The following STXBP5L variants were observed in gnomAD, a reference collection of about 807,000 sequenced individuals.
STXBP5L encodes the protein syntaxin-binding protein 5-like.
Under a neutral mutation model 144.5 loss-of-function variants are expected in STXBP5L, and 65 were observed. The ratio of observed to expected loss-of-function variants is 0.45; its 90% CI spans 0.37 to 0.55. The LOEUF is 0.55. STXBP5L is among the 20% of genes least tolerant of loss of function. STXBP5L has a pLI of 0.00. For missense variants in STXBP5L, 1,298 were observed against 1,405.5 expected, an observed-to-expected ratio of 0.92 and a Z score of 1.22; for synonymous variants, 505 against 469.6, an observed-to-expected ratio of 1.08 and a Z score of -0.97.
chr3:121,094,163 A>G (rs544379152), intron 5 of STXBP5L, among the ~76,000 whole-genome samples: 1 of 152,066 alleles, frequency 6.6e-6, no homozygotes, highest in Non-Finnish European at 1.5e-5. Flanking sequence ...CTGTTCTTTT[A>G]CATTTGCTGA....
intron 3 of STXBP5L, among the ~76,000 whole-genome samples, chr3:121,031,401 C>CTTCA (rs1553778331): frequency 6.6e-6 from 1 of 150,954 alleles, no homozygotes; most frequent in Non-Finnish European, 1.5e-5. Flanking sequence ...TCTGTCTATT[C>CTTCA]ATCAATCAAT....
intron 19 of STXBP5L, among the ~76,000 whole-genome samples, chr3:121,293,733 T>C (rs928243221): frequency 6.6e-6 from 1 of 152,158 alleles, no homozygotes; most frequent in Non-Finnish European, 1.5e-5. Flanking sequence ...TATTGGTGGG[T>C]GCCTGTAATC....
At chr3:121,134,010 A>G (rs1191786733) in intron 7 of STXBP5L, among the ~76,000 whole-genome samples, 1 of 152,178 alleles carries the variant, frequency 6.6e-6, no homozygotes, top group Non-Finnish European at 1.5e-5. Context: ...TTGGGTGGGG[A>G]CACAGAGCCA....
At chr3:120,984,323 TCTC>T (rs1440624299) in intron 3 of STXBP5L, among the ~76,000 whole-genome samples, 4 of 152,170 alleles carry the variant, frequency 2.6e-5, no homozygotes, top group Admixed American at 6.5e-5. Flanking sequence ...TTTCTCCACT[TCTC>T]CTCCAAACCC....
At chr3:120,962,097 A>G (rs4682370) in intron 3 of STXBP5L, among the ~76,000 whole-genome samples, 1 of 151,834 alleles carries the variant, frequency 6.6e-6, no homozygotes, top group African/African-American at 2.4e-5. Context: ...TGTTCATATC[A>G]TTTGCCCACT....
intron 20 of STXBP5L, among the ~76,000 whole-genome samples, chr3:121,337,162 G>C (rs968000312): frequency 3.9e-5 from 6 of 152,038 alleles, no homozygotes; most frequent in Non-Finnish European, 7.4e-5. Context: ...CTTAGTACCT[G>C]GGTGATGAAG....
intron 20 of STXBP5L, among the ~76,000 whole-genome samples, chr3:121,346,320 A>G (rs368635215): frequency 1.3e-5 from 2 of 152,030 alleles, no homozygotes; most frequent in Non-Finnish European, 2.9e-5. Context: ...CATGGTGTAT[A>G]TGTGCCACAT....
chr3:121,174,441 A>C (rs748870163), intron 9 of STXBP5L, among the ~76,000 whole-genome samples: 7 of 152,058 alleles, frequency 4.6e-5, no homozygotes, highest in Admixed American at 6.6e-5. Context: ...CTTCCAATAT[A>C]CTTATAGAAA....
At position 121,363,986 on chromosome 3, in the gene STXBP5L, G is replaced by A. The variant is rs368641499; in HGVS notation, c.2177-14730G>A. The stretch of plus-strand genomic sequence containing the variant: ...AAATATTTTCTTCCATTCTATGTGT[G>A]GCCTTTTTACTCTGTTGATAGTGTC... On this transcript the variant is annotated intron_variant, in intron 20 of 26. Coordinates refer to ENST00000471454, the MANE Select transcript of STXBP5L (RefSeq NM_001308330.2). Among the ~76,000 whole-genome samples, 15 of 152,066 alleles carry A rather than the reference G, an allele frequency of 9.9e-5. No homozygotes were observed. In the East Asian group the frequency reaches 1.7e-3, roughly 18 times the overall value.
chr3:121,041,540 A>G (rs891429447), intron 3 of STXBP5L, among the ~76,000 whole-genome samples, 160 bp from the exon 4 acceptor site: 2 of 152,132 alleles, frequency 1.3e-5, no homozygotes, highest in East Asian at 1.9e-4. Context: ...TCTGAGGTAT[A>G]CAATTTAATT....
chr3:121,254,792 C>T (rs2050152216), intron 15 of STXBP5L, 103 bp from the exon 16 acceptor site: 3 of 1,002,126 alleles, frequency 3.0e-6, no homozygotes, highest in Non-Finnish European at 4.3e-6. Flanking sequence ...ACTTTGTCTA[C>T]TTAGGTTTAC....
At chr3:120,976,575 G>T (rs1409089662) in intron 3 of STXBP5L, among the ~76,000 whole-genome samples, 4 of 151,810 alleles carry the variant, frequency 2.6e-5, no homozygotes, top group Non-Finnish European at 5.9e-5. Flanking sequence ...GTTATTTCTT[G>T]CCTTCTGCTA....
Position 121,193,670 on chromosome 3 carries a change from G to T in STXBP5L, c.878-12253G>T, listed in dbSNP as rs574187888. Among the ~76,000 whole-genome samples, 9 of 152,218 alleles carry T rather than the reference G, an allele frequency of 5.9e-5. No homozygotes were observed. In the East Asian group the frequency reaches 1.7e-3, roughly 29 times the overall value. On this transcript the variant is annotated intron_variant, in intron 9 of 26. Coordinates refer to ENST00000471454, the MANE Select transcript of STXBP5L (RefSeq NM_001308330.2). ...AAAAAGGATGAGTCCATTTTCCTTT[G>T]CAGGGACATGGATGAAGCTGGAAAC... is the stretch of plus-strand genomic sequence containing the variant.
chr3:120,915,461 C>T (rs1709058432), intron 2 of STXBP5L, among the ~76,000 whole-genome samples: 1 of 151,806 alleles, frequency 6.6e-6, no homozygotes, highest in Non-Finnish European at 1.5e-5. Context: ...AAGTAGAAGC[C>T]CTGCTTTAAA....
rs138011540 is a variant in STXBP5L, at chr3:121,281,191, C to T, written c.2110+1235C>T. 8.7e-3 allele frequency among the ~76,000 whole-genome samples: 1,326 copies of T among 151,894 alleles called. 15 individuals carry two copies. The highest frequency in any genetic ancestry group is 0.012 in the Non-Finnish European group (792 of 67,822). On this transcript the variant is annotated intron_variant, in intron 19 of 26. Transcript: ENST00000471454. ...ACTCTTCTTGTTAACCTTTCTTTTG[C>T]AAAACTCAATGATTTCTGAATTACC...
chr3:120,914,207 C>T (rs1708991750), intron 2 of STXBP5L, among the ~76,000 whole-genome samples: 1 of 151,522 alleles, frequency 6.6e-6, no homozygotes, highest in Admixed American at 6.6e-5. Flanking sequence ...TGTTCTAGAC[C>T]TAATTAACAA....
At chr3:121,038,809 A>T (rs1250911470) in intron 3 of STXBP5L, among the ~76,000 whole-genome samples, 2 of 151,692 alleles carry the variant, frequency 1.3e-5, no homozygotes, top group African/African-American at 2.4e-5. Flanking sequence ...ATGTTTTTTT[A>T]ATAATTTAAC....
intron 3 of STXBP5L, among the ~76,000 whole-genome samples, chr3:121,037,400 A>G (rs1946838249): frequency 6.6e-6 from 1 of 151,956 alleles, no homozygotes; most frequent in Non-Finnish European, 1.5e-5. Context: ...GGTATGTGCC[A>G]CTGAACCCAG....
chr3:121,238,332 AAGG>A (rs1317267062), intron 12 of STXBP5L, among the ~76,000 whole-genome samples: 1 of 152,140 alleles, frequency 6.6e-6, no homozygotes, highest in Non-Finnish European at 1.5e-5. Context: ...AACAAGTGAG[AAGG>A]AGAAGGCTCC....
Sources: allele counts gnomAD v4.1 joint callset (sites outside exome capture counted in the v4.1 genomes callset), GRCh38; gene constraint gnomAD v4.1.1; transcripts MANE v1.5; gene names NCBI Gene and HGNC (gene_info 2026-07-23, HGNC 2026-07-21).